The following FN1 variants were observed in gnomAD, a reference collection of about 807,000 sequenced individuals.
The protein encoded by FN1 is fibronectin.
FN1 carries 106 observed loss-of-function variants against 297.3 expected under a neutral mutation model. That is an observed-to-expected ratio of 0.36 (90% CI 0.30 to 0.42). The LOEUF (loss-of-function observed/expected upper bound fraction) is 0.42. Ranked by LOEUF, FN1 falls within the 10% of genes least tolerant of loss-of-function variation. The probability of loss-of-function intolerance (pLI) is 1.00; values close to 1 mark genes in which losing one functional copy is unlikely to be tolerated. For synonymous variants in FN1, 1,149 were observed against 1,152.6 expected (o/e 1.00, Z 0.06); for missense variants, 2,690 against 3,124.9 (o/e 0.86, Z 3.32).
At chr2:215,401,238 G>GAAAGAAAA (rs1553629583) in intron 20 of FN1, among the ~76,000 whole-genome samples, 1 of 55,090 alleles carries the variant, frequency 1.8e-5, no homozygotes, top group African/African-American at 8.7e-5. Context: ...AAGAAAGAAA[G>GAAAGAAAA]AAAGAAAGAA....
rs777406895 is a variant in FN1, at chr2:215,393,029, G to A, written c.3971C>T (p.Thr1324Ile). ...AATGCCCGGCTCCAGCCCTGTGACTGTGTAGTATCCTACTGAGGAGTCCAC... is the reference window on the plus strand; with the variant it reads ...AATGCCCGGCTCCAGCCCTGTGACTATGTAGTATCCTACTGAGGAGTCCAC... ...DFVDSSVGYY[T>I]VTGLEPGIDY... The change falls in exon 25 of 46, where the codon ACA becomes ATA. Residue 1324 changes from threonine to isoleucine, a missense_variant. Physicochemically the swap from Thr to Ile is moderately conservative, Grantham distance 89. Coordinates refer to ENST00000354785, the MANE Select transcript of FN1 (RefSeq NM_212482.4). 4 of 1,614,054 alleles carry A rather than the reference G, an allele frequency of 2.5e-6. No homozygotes were observed. The highest frequency in any genetic ancestry group is 1.7e-5 in the Admixed American group (1 of 60,020).
chr2:215,432,007 A>AC, intron 3 of FN1, 43 bp from the exon 4 acceptor site: 1 of 1,408,194 alleles, frequency 7.1e-7, no homozygotes. Flanking sequence ...GGCAGAACAG[A>AC]TTTTTTTTTT....
rs2304573 is a variant in FN1 at position 215,378,927 on chromosome 2, A to G, written c.5622+203T>C. 0.28 allele frequency among the ~76,000 whole-genome samples: 42,304 copies of G among 152,160 alleles called. 6,763 individuals are homozygous for G. The highest frequency in any genetic ancestry group is 0.79 in the East Asian group (4,101 of 5,174). On this transcript the variant is annotated intron_variant, in intron 34 of 45. Transcript: ENST00000354785. ...AAAGAGCTGCACAAAATCCAAAGCT[A>G]TTTATAAAATTCTGTCCCAATAGTC... is the stretch of plus-strand genomic sequence containing the variant.
intron 25 of FN1, chr2:215,392,595 A>G: frequency 2.8e-6 from 1 of 353,028 alleles, no homozygotes; most frequent in South Asian, 2.6e-5. Flanking sequence ...GTACTTACGC[A>G]ATTTGGTATT....
At chr2:215,393,471 A>C in intron 24 of FN1, 1 of 163,198 alleles carries the variant, frequency 6.1e-6, no homozygotes, top group East Asian at 1.8e-4. Flanking sequence ...AACATCCTTA[A>C]AGGGTACAAT....
At chr2:215,365,966 A>ATTTTT (rs559516647) in intron 42 of FN1, among the ~76,000 whole-genome samples, 2 of 90,352 alleles carry the variant, frequency 2.2e-5, no homozygotes, top group African/African-American at 9.4e-5. Flanking sequence ...CCACAGTGCT[A>ATTTTT]TTTTTTTTTT....
In FN1 at chr2:215,419,273, C is replaced by A. The variant is rs1575734536; in HGVS notation, c.1788G>T (p.Glu596Asp). ...QCYCYGRGIG[E>D]WHCQPLQTYP... ...AGGTCTGTAAAGGTTGGCAATGCCA[C>A]TCCCCAATGCCACGGCCATAGCAGT... The change falls in exon 12 of 46, where the codon GAG (glutamate) becomes GAT (aspartate). Residue 596 changes from glutamate to aspartate, a missense_variant. Coordinates refer to ENST00000354785, the MANE Select transcript of FN1 (RefSeq NM_212482.4). 1 of 1,613,970 alleles carries A rather than the reference C, an allele frequency of 6.2e-7. No homozygotes were observed. Among genetic ancestry groups the A allele is most frequent in the East Asian group, 2.2e-5 (1 of 44,882 alleles).
chr2:215,369,071 G>C (rs1431466578), intron 41 of FN1, among the ~76,000 whole-genome samples: 1 of 152,014 alleles, frequency 6.6e-6, no homozygotes, highest in Non-Finnish European at 1.5e-5. Context: ...GGGAGAACCT[G>C]GTTAGAATGT....
intron 36 of FN1, among the ~76,000 whole-genome samples, chr2:215,376,183 A>G (rs1349940895): frequency 6.6e-6 from 1 of 152,226 alleles, no homozygotes; most frequent in Non-Finnish European, 1.5e-5. Context: ...GCTAAGATCT[A>G]TACATCACTG....
chr2:215,376,216 A>T (rs2057269148), intron 36 of FN1, among the ~76,000 whole-genome samples: 1 of 152,058 alleles, frequency 6.6e-6, no homozygotes, highest in African/African-American at 2.4e-5. Context: ...TTTAGTTTTA[A>T]ACCTTATGTT....
At position 215,393,152 on chromosome 2, in the gene FN1, A is replaced by G; in HGVS notation, c.3848T>C (p.Ile1283Thr). The G allele has an allele frequency of 6.2e-7, 1 of 1,614,058 alleles. No individual in the cohort carries two copies. Among genetic ancestry groups the G allele is most frequent in the Non-Finnish European group, 8.5e-7 (1 of 1,180,004 alleles). Residue 1283 changes from isoleucine to threonine, a missense_variant, in exon 25 of 46, where the codon ATC (isoleucine) becomes ACC (threonine). By Grantham distance (89) the Ile-to-Thr change is moderately conservative (BLOSUM62 -1). Around this residue, in one of 3 missense-constraint regions of FN1, gnomAD observed 1,743 missense variants for 1,945.2 expected, o/e 0.90. Transcript: ENST00000354785. ...GTTTAGCGGGGTCCACCTCAGGCCGATGCTTGAATCGGTTATATCAACAAA... is the reference window on the plus strand; with the variant it reads ...GTTTAGCGGGGTCCACCTCAGGCCGGTGCTTGAATCGGTTATATCAACAAA... ...LSFVDITDSS[I>T]GLRWTPLNSS...
chr2:215,388,599 G>A (rs1011530018), intron 26 of FN1, among the ~76,000 whole-genome samples: 3 of 152,146 alleles, frequency 2.0e-5, no homozygotes, highest in Non-Finnish European at 2.9e-5. Context: ...GATATTTCTC[G>A]CATCCACCTG....
rs1207207047 is a variant in FN1, at chr2:215,393,179, C to G, written c.3821G>C (p.Ser1274Thr). ...IPEVPQLTDL[S>T]FVDITDSSIG... ...GCTTGAATCGGTTATATCAACAAAG[C>G]TTAGGTCAGTGAGTTGGGGCACCTC... The change falls in exon 25 of 46, where the codon AGC (serine) becomes ACC (threonine). Residue 1274 changes from serine (S) to threonine (T), a missense_variant. Ser to Thr is a moderately conservative substitution (Grantham distance 58, BLOSUM62 1). Around this residue, in one of 3 missense-constraint regions of FN1, gnomAD observed 1,743 missense variants for 1,945.2 expected, o/e 0.90. Coordinates refer to ENST00000354785, the MANE Select transcript of FN1 (RefSeq NM_212482.4). 6.2e-7 allele frequency: 1 copy of G among 1,613,514 alleles called. No individual in the cohort carries two copies. The highest frequency in any genetic ancestry group is 1.3e-5 in the African/African-American group (1 of 74,696).
chr2:215,412,268 T>C (rs13004592), intron 13 of FN1, among the ~76,000 whole-genome samples: 50,430 of 151,460 alleles, frequency 0.33, 9,499 homozygotes, highest in South Asian at 0.49. Flanking sequence ...GGAGACTACA[T>C]TGAGCCAATG....
At chr2:215,406,116 G>T in intron 19 of FN1, 122 bp downstream of exon 19, 1 of 1,005,486 alleles carries the variant, frequency 9.9e-7, no homozygotes, top group Non-Finnish European at 1.6e-6. Flanking sequence ...TTCCCTTGCC[G>T]GCTGGGTATT....
At position 215,370,330 on chromosome 2, in the gene FN1, T is replaced by C. The variant is rs1559334558; in HGVS notation, c.6817A>G (p.Lys2273Glu). The change falls in exon 41 of 46, where the codon AAG (lysine) becomes GAG (glutamate). Residue 2273 changes from lysine to glutamate, a missense_variant. Transcript: ENST00000354785. ...VEALKDQQRH[K>E]VREEVVTVGN... is the part of the protein sequence containing the mutation. ...ACGGTAACAACCTCTTCCCGAACCT[T>C]ATGCCTCTGCTGGTCTTTCAGTGCC... 1.2e-6 allele frequency: 2 copies of C among 1,614,004 alleles called. No individual in the cohort carries two copies. The highest frequency in any genetic ancestry group is 1.7e-6 in the Non-Finnish European group (2 of 1,179,998).
intron 44 of FN1, chr2:215,362,302 C>G (rs995702119): frequency 1.8e-6 from 1 of 548,560 alleles, no homozygotes; most frequent in African/African-American, 1.9e-5. Context: ...TATGTTGTTT[C>G]TTTCTCCTGA....
intron 38 of FN1, among the ~76,000 whole-genome samples, chr2:215,374,547 G>A (rs2056899189): frequency 1.3e-5 from 2 of 152,202 alleles, no homozygotes; most frequent in African/African-American, 4.8e-5. Context: ...TGCCATGTAA[G>A]ACATGCCTGC....
chr2:215,413,947 A>G (rs1298474899), intron 13 of FN1, among the ~76,000 whole-genome samples: 1 of 152,166 alleles, frequency 6.6e-6, no homozygotes, highest in African/African-American at 2.4e-5. Flanking sequence ...GCCCTTTTAA[A>G]TCTGAAAAAT....
Sources: allele counts gnomAD v4.1 joint callset (sites outside exome capture counted in the v4.1 genomes callset), GRCh38; gene constraint gnomAD v4.1.1; regional missense constraint gnomAD v4.1.1; transcripts MANE v1.5; gene names NCBI Gene and HGNC (gene_info 2026-07-23, HGNC 2026-07-21).